The following OTOA variants were observed in gnomAD, a reference collection of about 807,000 sequenced individuals.
The protein encoded by OTOA is otoancorin, also known as cancer/testis antigen 108.
OTOA carries 70 observed loss-of-function variants against 110.8 expected under a neutral mutation model. That is an observed-to-expected ratio of 0.63 (90% CI 0.52 to 0.77). The LOEUF is 0.77. Among genes scored for constraint, OTOA ranks in the 30% least tolerant of loss-of-function variants. The pLI, the probability that OTOA is intolerant of heterozygous loss-of-function variation, is 0.00. For synonymous variants in OTOA, 373 were observed against 431.5 expected, an observed-to-expected ratio of 0.86 and a Z score of 1.68; for missense variants, 917 against 1,075.8, an observed-to-expected ratio of 0.85 and a Z score of 2.06.
In OTOA at chr16:21,738,751, G is replaced by A. The variant is rs373203807; in HGVS notation, c.2432-1970G>A. 1.2e-3 allele frequency among the ~76,000 whole-genome samples: 185 copies of A among 152,350 alleles called. No individual in the cohort carries two copies. In the East Asian group the frequency reaches 0.032, roughly 26 times the overall value. ...TATGGGTACAGGATAGTGGGATGTG[G>A]CAGGCCAAAACCTAACATTTGGGCG... is the stretch of plus-strand genomic sequence containing the variant. On this transcript the variant is annotated intron_variant, in intron 22 of 28. Transcript: ENST00000646100.
chr16:21,666,458 A>G (rs1966840447), intron 1 of OTOA, among the ~76,000 whole-genome samples: 1 of 152,030 alleles, frequency 6.6e-6, no homozygotes, highest in South Asian at 2.1e-4. Context: ...AGTGACTCTG[A>G]TCCATGGGTT....
At chr16:21,721,618 A>G (rs1898745822) in intron 17 of OTOA, 1 of 406,046 alleles carries the variant, frequency 2.5e-6, no homozygotes, top group Admixed American at 2.6e-5. Context: ...GCCGGTCACA[A>G]TGACTCATGC....
chr16:21,698,634 C>T (rs1488210202), intron 10 of OTOA, among the ~76,000 whole-genome samples: 1 of 152,042 alleles, frequency 6.6e-6, no homozygotes, highest in African/African-American at 2.4e-5. Flanking sequence ...TTCAAGGACC[C>T]ATTGACCCAG....
At chr16:21,694,856 C>G (rs143763115) in intron 9 of OTOA, among the ~76,000 whole-genome samples, 1 of 152,300 alleles carries the variant, frequency 6.6e-6, no homozygotes, top group African/African-American at 2.4e-5. Context: ...TTCCCTCTGC[C>G]TGGTGCATAA....
At chr16:21,729,456 A>T (rs1597850647) in intron 20 of OTOA, 1 of 152,070 alleles carries the variant, frequency 6.6e-6, no homozygotes, top group Non-Finnish European at 1.5e-5. Context: ...CCCCCACCAA[A>T]GTTGTACATT....
At chr16:21,724,703 C>T (rs756161415) in intron 18 of OTOA, among the ~76,000 whole-genome samples, 8 of 152,016 alleles carry the variant, frequency 5.3e-5, no homozygotes, top group African/African-American at 1.4e-4. Flanking sequence ...AGAAGGGGCT[C>T]GTTTGATTAT....
At chr16:21,702,230 G>A (rs184067309) in intron 11 of OTOA, among the ~76,000 whole-genome samples, 328 of 152,252 alleles carry the variant, frequency 2.2e-3, no homozygotes, top group African/African-American at 7.1e-3. Context: ...GATTACAGGC[G>A]TGAGCCACTG....
intron 2 of OTOA, 132 bp from the exon 3 acceptor site, chr16:21,678,783 A>T (rs1966868563): frequency 7.9e-7 from 1 of 1,258,020 alleles, no homozygotes; most frequent in Non-Finnish European, 1.2e-6. Context: ...CTCAGAGTGG[A>T]CAGTTATAAT....
chr16:21,731,733 T>C (rs1310797616), intron 21 of OTOA, among the ~76,000 whole-genome samples: 7 of 151,992 alleles, frequency 4.6e-5, no homozygotes, highest in Non-Finnish European at 1.0e-4. Flanking sequence ...AAGGAGTGAA[T>C]GTTTGCTGAA....
chr16:21,735,903 T>G (rs942414516), intron 21 of OTOA, among the ~76,000 whole-genome samples: 1 of 151,930 alleles, frequency 6.6e-6, no homozygotes, highest in African/African-American at 2.4e-5. Context: ...CTAACCTACA[T>G]TTTTTGTCGA....
intron 19 of OTOA, 126 bp downstream of exon 19, chr16:21,726,784 T>C: frequency 1.5e-6 from 2 of 1,327,560 alleles, no homozygotes; most frequent in Non-Finnish European, 2.1e-6. Flanking sequence ...TGGTGGGTCT[T>C]GAAGCTTACT....
Position 21,728,052 on chromosome 16 carries a change from A to G in OTOA, c.2017-189A>G, listed in dbSNP as rs12597963. On this transcript the variant is annotated intron_variant, in intron 19 of 28. Transcript: ENST00000646100. Reference sequence around the variant, plus strand: ...GCTAATTTTTGTATTTTTAGTATAGATGGGGTTTCACCATGTTGGCCAGGC... The same window carrying G: ...GCTAATTTTTGTATTTTTAGTATAGGTGGGGTTTCACCATGTTGGCCAGGC... Among the ~76,000 whole-genome samples the G allele has an allele frequency of 0.21, 31,685 of 151,862 alleles. 3,870 individuals are homozygous for G. The highest frequency in any genetic ancestry group is 0.27 in the Non-Finnish European group (18,385 of 67,908).
At chr16:21,735,930 T>G (rs931284583) in intron 21 of OTOA, among the ~76,000 whole-genome samples, 3 of 152,214 alleles carry the variant, frequency 2.0e-5, no homozygotes, top group Non-Finnish European at 4.4e-5. Flanking sequence ...CAGATTGCTC[T>G]GCTAATAGTG....
At chr16:21,689,462 TG>T (rs1159538991) in intron 8 of OTOA, among the ~76,000 whole-genome samples, 1 of 152,198 alleles carries the variant, frequency 6.6e-6, no homozygotes, top group Admixed American at 6.5e-5. Flanking sequence ...GAGAGTTTAT[TG>T]GTTACTGCTC....
At chr16:21,674,495 G>A (rs533627878) in intron 1 of OTOA, among the ~76,000 whole-genome samples, 56 of 151,902 alleles carry the variant, frequency 3.7e-4, no homozygotes, top group Non-Finnish European at 6.5e-4. Context: ...CACCATGCCC[G>A]GCTAATATTT....
chr16:21,664,902 G>A (rs1328125312), intron 1 of OTOA, among the ~76,000 whole-genome samples: 1 of 152,038 alleles, frequency 6.6e-6, no homozygotes, highest in Non-Finnish European at 1.5e-5. Context: ...AATCCGGCAG[G>A]TGGAGGTTGC....
chr16:21,704,264 T>C (rs1398108112), intron 11 of OTOA, among the ~76,000 whole-genome samples: 1 of 152,206 alleles, frequency 6.6e-6, no homozygotes, highest in African/African-American at 2.4e-5. Context: ...AACAGATCTC[T>C]GCCTCAGAGA....
At chr16:21,725,026 C>T (rs1460714054) in intron 18 of OTOA, among the ~76,000 whole-genome samples, 2 of 152,042 alleles carry the variant, frequency 1.3e-5, no homozygotes, top group African/African-American at 4.8e-5. Flanking sequence ...GATCTGCTTG[C>T]CTCGGCCTCC....
intron 19 of OTOA, among the ~76,000 whole-genome samples, chr16:21,727,737 C>T (rs1387903167): frequency 6.6e-6 from 1 of 152,062 alleles, no homozygotes; most frequent in Non-Finnish European, 1.5e-5. Context: ...TGTGCCAAGC[C>T]AGGGTTTTCC....
Sources: gnomAD v4.1 joint callset for allele counts (sites outside exome capture counted in the v4.1 genomes callset) on GRCh38, gnomAD v4.1.1 for gene constraint, MANE v1.5 for transcripts, NCBI Gene and HGNC (gene_info 2026-07-23, HGNC 2026-07-21) for gene names.